NFU1: variants seen among roughly 807,000 people sequenced by gnomAD.
The protein encoded by NFU1 is NFU1 iron-sulfur cluster scaffold.
NFU1 carries 30 observed loss-of-function variants against 32.2 expected under a neutral mutation model. The ratio of observed to expected loss-of-function variants is 0.93; its 90% CI spans 0.70 to 1.26. The LOEUF (loss-of-function observed/expected upper bound fraction) is 1.26, where lower values mean the gene tolerates loss of function less well. NFU1 is among the 50% of genes most tolerant of loss of function. The probability of loss-of-function intolerance (pLI) is 0.00; values close to 1 mark genes in which losing one functional copy is unlikely to be tolerated. For synonymous variants in NFU1, 112 were observed against 104.6 expected (o/e 1.07, Z -0.43); for missense variants, 306 against 306.6 (o/e 1.00, Z 0.02).
rs534309730 is a variant in NFU1, at chr2:69,404,615, ATT to A, written c.545+1405_545+1406del. On this transcript the variant is annotated intron_variant, in intron 6 of 7. Coordinates refer to ENST00000410022, the MANE Select transcript of NFU1 (RefSeq NM_001002755.4). ...CACTTAATAACTACTATCTTAGCAA[ATT>A]TTTTTTTTTTTTTTTTTTTTTGAGA... Among the ~76,000 whole-genome samples the A allele has an allele frequency of 4.2e-3, 306 of 72,992 alleles. 6 individuals are homozygous for A. Among genetic ancestry groups the A allele is most frequent in the African/African-American group, 0.017 (271 of 15,926 alleles). The allele number at this position is 72,992 out of a possible 152,430, so 47.9% of individuals were successfully genotyped here. A position where few individuals can be genotyped will look rare whatever the true frequency, so the allele number is the denominator to read the frequency against.
chr2:69,400,545 G>A lies in NFU1; in HGVS notation c.546-7C>T, dbSNP rs540518717. On this transcript the variant is annotated splice_polypyrimidine_tract_variant and splice_region_variant and intron_variant, in intron 6 of 7. Transcript: ENST00000410022. ...ATCTTCCTGCACAGTTGGCCTGTGA[G>A]GTCAAAGAATATTTATGACATATTC... The A allele has an allele frequency of 6.2e-7, 1 of 1,612,880 alleles. No homozygotes were observed. The highest frequency in any genetic ancestry group is 1.1e-5 in the South Asian group (1 of 90,968).
At chr2:69,400,664 A>G (rs1672493779) in intron 6 of NFU1, 126 bp from the exon 7 acceptor site, 1 of 780,730 alleles carries the variant, frequency 1.3e-6, no homozygotes, top group East Asian at 2.7e-5. Flanking sequence ...TACTTTTATA[A>G]TACAGAATAA....
chr2:69,404,566 C>CA (rs1297958777), intron 6 of NFU1, among the ~76,000 whole-genome samples: 1 of 145,782 alleles, frequency 6.9e-6, no homozygotes, highest in African/African-American at 2.6e-5. Context: ...CATTACCTCG[C>CA]ATACTTATTT....
At chr2:69,439,313 G>A (rs181722600), upstream of NFU1, among the ~76,000 whole-genome samples, 3 of 152,276 alleles carry the variant, frequency 2.0e-5, no homozygotes, top group East Asian at 5.8e-4. Flanking sequence ...ATGGACCCTT[G>A]TGGTGAGTGT....
intron 7 of NFU1, among the ~76,000 whole-genome samples, chr2:69,396,545 C>T (rs1672340494): frequency 6.6e-6 from 1 of 151,804 alleles, no homozygotes. Context: ...CCCAGCTACT[C>T]GGGAGGCTGA....
upstream of NFU1, among the ~76,000 whole-genome samples, chr2:69,437,948 A>T (rs1172051126): frequency 6.6e-6 from 1 of 152,170 alleles, no homozygotes; most frequent in Non-Finnish European, 1.5e-5. Context: ...CCACTTGGTC[A>T]TCTTGGACCA....
upstream of NFU1, among the ~76,000 whole-genome samples, chr2:69,437,949 T>C (rs1335588974): frequency 6.6e-6 from 1 of 152,178 alleles, no homozygotes; most frequent in Non-Finnish European, 1.5e-5. Flanking sequence ...CACTTGGTCA[T>C]CTTGGACCAA....
chr2:69,406,534 A>C (rs1295438840), intron 5 of NFU1, among the ~76,000 whole-genome samples: 5 of 152,130 alleles, frequency 3.3e-5, no homozygotes, highest in African/African-American at 1.2e-4. Context: ...AGCCATACTA[A>C]ATATAGATGT....
chr2:69,438,839 A>T (rs931587958), upstream of NFU1, among the ~76,000 whole-genome samples: 1 of 149,956 alleles, frequency 6.7e-6, no homozygotes, highest in African/African-American at 2.5e-5. Flanking sequence ...ACTTGCTTTT[A>T]ACTACTAGTG....
intron 4 of NFU1, among the ~76,000 whole-genome samples, chr2:69,419,127 A>AAC (rs1314908508): frequency 1.3e-5 from 2 of 152,034 alleles, no homozygotes; most frequent in Admixed American, 1.3e-4. Flanking sequence ...CAGCCTGGCC[A>AAC]ACATGGCGAA....
chr2:69,412,977 G>T (rs1219038111), intron 5 of NFU1, among the ~76,000 whole-genome samples: 2 of 151,882 alleles, frequency 1.3e-5, no homozygotes, highest in Admixed American at 1.3e-4. Context: ...TTAACACTCA[G>T]TATTAATCAA....
intron 2 of NFU1, among the ~76,000 whole-genome samples, chr2:69,424,799 TAAAGAC>T (rs1673397651): frequency 6.6e-6 from 1 of 151,992 alleles, no homozygotes; most frequent in African/African-American, 2.4e-5. Context: ...ACCATTATTT[TAAAGAC>T]AAAGTTAGCA....
At chr2:69,437,330 A>G (rs1341392486) in intron 1 of NFU1, 31 bp downstream of exon 1, 22 of 1,596,668 alleles carry the variant, frequency 1.4e-5, no homozygotes, top group Non-Finnish European at 1.7e-5. Context: ...CCAGCGGCAC[A>G]CCTATTCGGA....
intron 1 of NFU1, 26 bp downstream of exon 1, chr2:69,437,335 T>C (rs770804645): frequency 1.3e-5 from 20 of 1,599,966 alleles, no homozygotes; most frequent in Non-Finnish European, 1.6e-5. Flanking sequence ...GGCACACCTA[T>C]TCGGAGCTCC....
chr2:69,430,047 A>G (rs143901182), intron 2 of NFU1: 4 of 321,636 alleles, frequency 1.2e-5, no homozygotes, highest in Non-Finnish European at 1.8e-5. Flanking sequence ...ACAAAAAAAA[A>G]CACCTAATTT....
intron 4 of NFU1, among the ~76,000 whole-genome samples, chr2:69,415,577 A>G (rs759205331): frequency 2.0e-5 from 3 of 152,176 alleles, no homozygotes; most frequent in Non-Finnish European, 2.9e-5. Context: ...CCTATAATGA[A>G]ATACTCTCCA....
Position 69,432,009 on chromosome 2 carries a change from C to T in NFU1, c.63-4G>A. ...ATTCTTCAACATATGACAGAACCTG[C>T]ATTTAAAAGCACATAATGAATGACA... On this transcript the variant is annotated splice_region_variant and splice_polypyrimidine_tract_variant and intron_variant, in intron 1 of 7. Transcript: ENST00000410022. 6.4e-7 allele frequency: 1 copy of T among 1,563,842 alleles called. No homozygotes were observed. Among genetic ancestry groups the T allele is most frequent in the Non-Finnish European group, 8.8e-7 (1 of 1,134,146 alleles).
At chr2:69,437,436 G>T, upstream of NFU1, 1 of 1,609,954 alleles carries the variant, frequency 6.2e-7, no homozygotes. Flanking sequence ...AGTCCGGAGT[G>T]CCTAAGGGTC....
intron 5 of NFU1, among the ~76,000 whole-genome samples, chr2:69,414,642 A>C (rs1243464453): frequency 7.3e-6 from 1 of 137,138 alleles, no homozygotes. Context: ...AAAAAAAAAA[A>C]CAGAGATTTA....
Sources: gnomAD v4.1 joint callset for allele counts (sites outside exome capture counted in the v4.1 genomes callset) on GRCh38, gnomAD v4.1.1 for gene constraint, MANE v1.5 for transcripts, NCBI Gene and HGNC (gene_info 2026-07-23, HGNC 2026-07-21) for gene names.